NCKAP5: variants seen among roughly 807,000 people sequenced by gnomAD.
NCKAP5 encodes the protein nck-associated protein 5.
Under a neutral mutation model 167.0 loss-of-function variants are expected in NCKAP5, and 92 were observed. That is an observed-to-expected ratio of 0.55 (90% CI 0.47 to 0.66). The LOEUF is 0.66. NCKAP5 is among the 30% of genes least tolerant of loss of function. The pLI is 0.00. For synonymous variants in NCKAP5, 891 were observed against 877.4 expected (o/e 1.02, Z -0.27); for missense variants, 2,378 against 2,315.0 (o/e 1.03, Z -0.56).
At chr2:133,164,140 T>C (rs796566242) in intron 5 of NCKAP5, among the ~76,000 whole-genome samples, 2 of 152,332 alleles carry the variant, frequency 1.3e-5, no homozygotes, top group African/African-American at 2.4e-5. Context: ...TACAGGTCCA[T>C]GCTATGCAAG....
intron 4 of NCKAP5, among the ~76,000 whole-genome samples, chr2:133,233,643 T>C (rs1000503713): frequency 2.6e-5 from 4 of 152,200 alleles, no homozygotes; most frequent in African/African-American, 7.2e-5. Context: ...TCAAAGCCTA[T>C]GTTGACAATT....
At chr2:132,765,928 A>C (rs1050581420) in intron 16 of NCKAP5, among the ~76,000 whole-genome samples, 5 of 152,146 alleles carry the variant, frequency 3.3e-5, no homozygotes, top group African/African-American at 1.2e-4. Flanking sequence ...GAAAGTGGAC[A>C]TAAGGGGTGG....
chr2:133,005,139 T>C (rs2077920083), intron 6 of NCKAP5, among the ~76,000 whole-genome samples: 1 of 152,150 alleles, frequency 6.6e-6, no homozygotes, highest in Non-Finnish European at 1.5e-5. Flanking sequence ...TGAGGCAACA[T>C]ACATCCTCAG....
intron 4 of NCKAP5, among the ~76,000 whole-genome samples, chr2:133,299,436 T>G (rs1680199392): frequency 1.3e-5 from 2 of 151,808 alleles, no homozygotes; most frequent in Admixed American, 1.3e-4. Flanking sequence ...ACTCTCCCCA[T>G]GCCGCAAGGA....
chr2:132,772,274 C>T (rs985832564), intron 16 of NCKAP5, among the ~76,000 whole-genome samples: 6 of 152,128 alleles, frequency 3.9e-5, no homozygotes, highest in African/African-American at 1.4e-4. Context: ...CATGACTGTA[C>T]AGAAGACAGG....
At chr2:133,562,676 G>A (rs1688247678) in intron 1 of NCKAP5, among the ~76,000 whole-genome samples, 1 of 152,180 alleles carries the variant, frequency 6.6e-6, no homozygotes, top group Admixed American at 6.5e-5. Context: ...AGTCCACTGG[G>A]CTTCTACAAT....
intron 4 of NCKAP5, among the ~76,000 whole-genome samples, chr2:133,263,283 G>GA (rs35086235): frequency 0.077 from 10,174 of 131,502 alleles, 403 homozygotes; most frequent in South Asian, 0.11. Context: ...AACTCTCTAG[G>GA]AAAAAAAAAA....
At chr2:133,106,556 G>A (rs561874315) in intron 6 of NCKAP5, among the ~76,000 whole-genome samples, 6 of 152,238 alleles carry the variant, frequency 3.9e-5, no homozygotes, top group East Asian at 1.9e-4. Context: ...CAGATCCCGA[G>A]TAAAGGTCAC....
chr2:133,489,675 C>T (rs566280641), intron 3 of NCKAP5, among the ~76,000 whole-genome samples: 2 of 152,306 alleles, frequency 1.3e-5, no homozygotes, highest in East Asian at 3.9e-4. Flanking sequence ...CCTAAATCTT[C>T]GTGCAATAAA....
chr2:132,932,152 A>G (rs187021156), intron 8 of NCKAP5, among the ~76,000 whole-genome samples: 74 of 152,328 alleles, frequency 4.9e-4, no homozygotes, highest in African/African-American at 1.6e-3. Context: ...GCTGAAAGCC[A>G]AAAGGAGGAC....
intron 4 of NCKAP5, among the ~76,000 whole-genome samples, chr2:133,265,710 C>G (rs1395275567): frequency 6.7e-6 from 1 of 150,060 alleles, no homozygotes; most frequent in Non-Finnish European, 1.5e-5. Flanking sequence ...GGAGGCAGTG[C>G]GGAGGGTGGG....
intron 4 of NCKAP5, among the ~76,000 whole-genome samples, chr2:133,284,300 G>C (rs548279447): frequency 6.6e-6 from 1 of 152,238 alleles, no homozygotes; most frequent in African/African-American, 2.4e-5. Flanking sequence ...CTACCCCATA[G>C]AGTAGGGATT....
intron 7 of NCKAP5, among the ~76,000 whole-genome samples, chr2:132,980,213 A>G (rs2149265135): frequency 6.6e-6 from 1 of 151,996 alleles, no homozygotes; most frequent in Middle Eastern, 3.4e-3. Flanking sequence ...GCTGGTCTGG[A>G]ACTCCTGGAC....
chr2:132,847,535 A>G (rs1245834886), intron 11 of NCKAP5, among the ~76,000 whole-genome samples: 1 of 152,226 alleles, frequency 6.6e-6, no homozygotes, highest in East Asian at 1.9e-4. Context: ...ACAGATATAC[A>G]CATATCATCG....
chr2:133,545,993 C>T (rs1686629665), intron 2 of NCKAP5, among the ~76,000 whole-genome samples: 1 of 152,060 alleles, frequency 6.6e-6, no homozygotes, highest in African/African-American at 2.4e-5. Context: ...GAAATCTGAG[C>T]CGGAACAAAA....
intron 11 of NCKAP5, among the ~76,000 whole-genome samples, chr2:132,829,477 C>T (rs565083089): frequency 1.3e-3 from 203 of 152,304 alleles, no homozygotes; most frequent in African/African-American, 4.7e-3. Flanking sequence ...TATTGAAATA[C>T]AGTCACACTC....
chr2:132,722,354 T>C (rs1690004850), intron 19 of NCKAP5, among the ~76,000 whole-genome samples: 1 of 152,218 alleles, frequency 6.6e-6, no homozygotes, highest in South Asian at 2.1e-4. Flanking sequence ...GAACTGAAGA[T>C]TGCTTGCCAC....
chr2:132,679,385 A>G (rs1684909826), intron 19 of NCKAP5, among the ~76,000 whole-genome samples: 1 of 152,094 alleles, frequency 6.6e-6, no homozygotes, highest in Non-Finnish European at 1.5e-5. Context: ...AGGGGGGCCC[A>G]GAGACTCCAG....
rs545269155 is a variant in NCKAP5 at position 133,498,531 on chromosome 2, G to A, written c.69+18927C>T. ...GGCAGGCAGCCAAGAAGAAAAGGGC[G>A]GCAGGGAGGAAGGGAGGGAGGGAGG... On this transcript the variant is annotated intron_variant, in intron 3 of 19. Coordinates refer to ENST00000409261, the MANE Select transcript of NCKAP5 (RefSeq NM_207363.3). Among the ~76,000 whole-genome samples, 52 of 148,708 alleles carry A rather than the reference G, an allele frequency of 3.5e-4. No individual in the cohort carries two copies. In the South Asian group the frequency reaches 3.7e-3, roughly 11 times the overall value.
Sources: allele counts gnomAD v4.1 joint callset (sites outside exome capture counted in the v4.1 genomes callset), GRCh38; gene constraint gnomAD v4.1.1; transcripts MANE v1.5; gene names NCBI Gene and HGNC (gene_info 2026-07-23, HGNC 2026-07-21).